The following CATSPERE variants were observed in gnomAD, a reference collection of about 807,000 sequenced individuals.
The protein encoded by CATSPERE is catsper channel auxiliary subunit epsilon.
In CATSPERE, 93 loss-of-function variants were observed where a neutral mutation model predicts 114.1. The observed-to-expected ratio is 0.81, with a 90% CI of 0.69 to 0.97. The LOEUF (loss-of-function observed/expected upper bound fraction) is 0.97, where lower values mean the gene tolerates loss of function less well. Among genes scored for constraint, CATSPERE ranks in the 50% least tolerant of loss-of-function variants. CATSPERE has a pLI of 0.00. For synonymous variants in CATSPERE, 341 were observed against 384.1 expected (o/e 0.89, Z 1.31); for missense variants, 1,058 against 1,131.6 (o/e 0.93, Z 0.93).
chr1:244,572,853 C>T (rs2148578699), intron 11 of CATSPERE, 81 bp downstream of exon 11: 1 of 924,900 alleles, frequency 1.1e-6, no homozygotes, highest in African/African-American at 1.7e-5. Context: ...AATGGATTTC[C>T]CTTCTAGGCT....
At chr1:244,623,058 TTTTA>T (rs6143712) in intron 20 of CATSPERE, among the ~76,000 whole-genome samples, 1,661 of 145,590 alleles carry the variant, frequency 0.011, 8 homozygotes, top group Middle Eastern at 0.038. Context: ...TTTGTCTTAT[TTTTA>T]TTTATTTATT....
intron 10 of CATSPERE, among the ~76,000 whole-genome samples, chr1:244,565,128 T>A (rs1411437474): frequency 5.9e-5 from 9 of 152,376 alleles, no homozygotes; most frequent in African/African-American, 1.7e-4. Flanking sequence ...AGTTTTTTAA[T>A]GTGCTGCTGG....
At chr1:244,523,040 G>A (rs1572547042) in intron 8 of CATSPERE, among the ~76,000 whole-genome samples, 2 of 148,558 alleles carry the variant, frequency 1.3e-5, no homozygotes, top group South Asian at 2.1e-4. Flanking sequence ...CAAAAAAAGA[G>A]AATTTTAGAC....
At chr1:244,561,190 A>G (rs374190720) in intron 10 of CATSPERE, 45 bp downstream of exon 10, 9 of 1,312,096 alleles carry the variant, frequency 6.9e-6, no homozygotes, top group Admixed American at 1.9e-5. Context: ...ATTTCACTAT[A>G]GACATCTTCC....
In CATSPERE at chr1:244,605,843, G is replaced by T. The variant is rs112150951; in HGVS notation, c.2403+49G>T. The T allele has an allele frequency of 1.6e-4, 199 of 1,264,392 alleles. No homozygotes were observed. The African/African-American group carries it at 2.6e-3, about 17-fold the overall frequency. 78.3% of individuals were successfully genotyped at this position (1,264,392 alleles called of 1,614,324 possible). On this transcript the variant is annotated intron_variant, in intron 18 of 21. Coordinates refer to ENST00000366534, the MANE Select transcript of CATSPERE (RefSeq NM_001130957.2). ...AGAATTTAGCATGCAACTAGACAATGTCTTCCTGTTTTAAATTTATAAATA... is the reference window on the plus strand; with the variant it reads ...AGAATTTAGCATGCAACTAGACAATTTCTTCCTGTTTTAAATTTATAAATA...
At chr1:244,537,780 G>A (rs1680591915) in intron 8 of CATSPERE, among the ~76,000 whole-genome samples, 1 of 152,100 alleles carries the variant, frequency 6.6e-6, no homozygotes, top group African/African-American at 2.4e-5. Flanking sequence ...AGCATATGGT[G>A]CATCTTGGTG....
At chr1:244,485,880 C>T (rs1007281013) in intron 5 of CATSPERE, among the ~76,000 whole-genome samples, 1 of 150,614 alleles carries the variant, frequency 6.6e-6, no homozygotes, top group Non-Finnish European at 1.5e-5. Context: ...TTTTCTTGTA[C>T]AGACAGGGTT....
At chr1:244,508,158 A>T (rs1462605666) in intron 7 of CATSPERE, among the ~76,000 whole-genome samples, 1 of 151,642 alleles carries the variant, frequency 6.6e-6, no homozygotes, top group East Asian at 1.9e-4. Flanking sequence ...TCAGTGTTTT[A>T]TACTTTTCTT....
chr1:244,499,058 G>A lies in CATSPERE; in HGVS notation c.408G>A (p.Gly136=). The change falls in exon 7 of 22, where the codon GGG becomes GGA. Residue 136 remains glycine (G), a synonymous_variant. Transcript: ENST00000366534. The stretch of plus-strand genomic sequence containing the variant: ...GTGCAGATCCTGATGAGTTGCTGGG[G>A]AATGCAGAAGAACCTTCAATAGTAG... ...PESADPDELL[G]NAEEPSINSI... is the part of the protein sequence containing the mutation. 6.2e-7 allele frequency: 1 copy of A among 1,611,022 alleles called. No individual in the cohort carries two copies. The highest frequency in any genetic ancestry group is 1.1e-5 in the South Asian group (1 of 90,980).
intron 2 of CATSPERE, among the ~76,000 whole-genome samples, chr1:244,472,241 A>T (rs1344059536): frequency 1.3e-5 from 2 of 152,190 alleles, no homozygotes; most frequent in Non-Finnish European, 2.9e-5. Context: ...GATTACAGGC[A>T]TGAGCCACTG....
chr1:244,489,084 T>C (rs1275186791), intron 5 of CATSPERE, among the ~76,000 whole-genome samples: 1 of 152,208 alleles, frequency 6.6e-6, no homozygotes, highest in Admixed American at 6.5e-5. Context: ...AAAAACTTTC[T>C]AGAAAACATA....
chr1:244,477,630 T>C lies in CATSPERE; in HGVS notation c.188+16T>C, dbSNP rs749000862. Reference sequence around the variant, plus strand: ...TAAATAAAAGGTAAGATTTATGCCATGAATATCAATGTATGTGTATATTTT... The same window carrying C: ...TAAATAAAAGGTAAGATTTATGCCACGAATATCAATGTATGTGTATATTTT... On this transcript the variant is annotated intron_variant, in intron 3 of 21. Coordinates refer to ENST00000366534, the MANE Select transcript of CATSPERE (RefSeq NM_001130957.2). 2.8e-6 allele frequency: 4 copies of C among 1,441,302 alleles called. No individual in the cohort carries two copies. Among genetic ancestry groups the C allele is most frequent in the Non-Finnish European group, 3.9e-6 (4 of 1,026,104 alleles). 89.3% of individuals were successfully genotyped at this position (1,441,302 alleles called of 1,614,324 possible).
At chr1:244,536,322 C>T (rs3005980) in intron 8 of CATSPERE, among the ~76,000 whole-genome samples, 132,161 of 151,968 alleles carry the variant, frequency 0.87, 58,444 homozygotes, top group East Asian at 1. Context: ...CAGTACAGCA[C>T]TAGATCTTGC....
At chr1:244,588,723 A>T (rs1667347007) in intron 14 of CATSPERE, among the ~76,000 whole-genome samples, 189 bp downstream of exon 14, 1 of 152,242 alleles carries the variant, frequency 6.6e-6, no homozygotes, top group South Asian at 2.1e-4. Flanking sequence ...CATTTGAATC[A>T]TACTAAAAAT....
intron 20 of CATSPERE, among the ~76,000 whole-genome samples, chr1:244,625,428 A>ATT (rs1234328450): frequency 2.7e-4 from 1 of 3,744 alleles, no homozygotes; most frequent in Non-Finnish European, 6.8e-4. Context: ...ATATATATAT[A>ATT]TATATTTTTT....
rs543614274 is a variant in CATSPERE at position 244,564,692 on chromosome 1, A to G, written c.1507+3547A>G. 2.7e-4 allele frequency among the ~76,000 whole-genome samples: 41 copies of G among 152,292 alleles called. 1 individual carries two copies. The highest frequency in any genetic ancestry group is 3.4e-3 in the Middle Eastern group (1 of 294). On this transcript the variant is annotated intron_variant, in intron 10 of 21. Coordinates refer to ENST00000366534, the MANE Select transcript of CATSPERE (RefSeq NM_001130957.2). ...CAAATATACAATCATGTCATCTCCA[A>G]ACAGAGGCAATTTGACTTCCTCTCT...
intron 9 of CATSPERE, among the ~76,000 whole-genome samples, chr1:244,560,107 C>T (rs1008926317): frequency 3.9e-5 from 6 of 152,076 alleles, no homozygotes; most frequent in African/African-American, 1.4e-4. Flanking sequence ...ATCCTTCCAC[C>T]TCAGCCTCCC....
At chr1:244,533,902 T>C (rs1264082880) in intron 8 of CATSPERE, among the ~76,000 whole-genome samples, 1 of 152,060 alleles carries the variant, frequency 6.6e-6, no homozygotes, top group Non-Finnish European at 1.5e-5. Flanking sequence ...TCTTTTTCTT[T>C]TAAATTCAAT....
intron 18 of CATSPERE, among the ~76,000 whole-genome samples, chr1:244,608,535 C>CAA (rs150288682): frequency 1.6e-4 from 18 of 111,888 alleles, no homozygotes; most frequent in Non-Finnish European, 1.7e-4. Context: ...GATCCTGTCT[C>CAA]AAAAAAAAAA....
Sources: allele counts gnomAD v4.1 joint callset (sites outside exome capture counted in the v4.1 genomes callset), GRCh38; gene constraint gnomAD v4.1.1; transcripts MANE v1.5; gene names NCBI Gene and HGNC (gene_info 2026-07-23, HGNC 2026-07-21).